The following SAXO4 variants were observed in gnomAD, a reference collection of about 807,000 sequenced individuals.
SAXO4 encodes the protein stabilizer of axonemal microtubules 4.
At chr11:61,487,475 C>G in the SAXO4 span, among the ~76,000 whole-genome samples, 19 of 152,238 alleles carry the variant, frequency 1.2e-4, no homozygotes, top group Non-Finnish European at 2.2e-4. Flanking sequence ...GAGCATGTTA[C>G]TAGGCCAGCT....
chr11:61,488,466 G>A, the SAXO4 span, among the ~76,000 whole-genome samples: 4 of 151,836 alleles, frequency 2.6e-5, no homozygotes, highest in African/African-American at 7.3e-5. Context: ...CACCACGCCC[G>A]GCTACATTTT....
chr11:61,483,171 T>C, the SAXO4 span, among the ~76,000 whole-genome samples: 97 of 142,236 alleles, frequency 6.8e-4, 2 homozygotes, highest in South Asian at 0.021. Flanking sequence ...TTTCTTTTTT[T>C]TTTTTTTTTT....
the SAXO4 span, chr11:61,487,235 C>T: frequency 6.2e-7 from 1 of 1,613,754 alleles, no homozygotes; most frequent in Admixed American, 1.7e-5. Flanking sequence ...CCACCTACAA[C>T]CAAGGGTGAG....
chr11:61,482,750 G>A, the SAXO4 span: 19 of 1,613,664 alleles, frequency 1.2e-5, 1 homozygote, highest in Middle Eastern at 1.6e-4. Flanking sequence ...TGGAGCATGC[G>A]CCAGACCAGC....
the SAXO4 span, chr11:61,489,956 C>G: frequency 1.9e-6 from 3 of 1,604,094 alleles, no homozygotes; most frequent in Admixed American, 5.1e-5. Context: ...GGTGGCACCA[C>G]CCCCAGCTCT....
the SAXO4 span, chr11:61,482,821 C>T: frequency 6.3e-7 from 1 of 1,590,534 alleles, no homozygotes; most frequent in Non-Finnish European, 8.5e-7. Flanking sequence ...CAGTGCTGGG[C>T]CAGGGCCAGG....
chr11:61,486,550 C>T, the SAXO4 span: 8 of 1,614,030 alleles, frequency 5.0e-6, no homozygotes, highest in East Asian at 1.8e-4. Context: ...CTGTGTTGGC[C>T]AGAGGCTCCA....
the SAXO4 span, chr11:61,484,844 G>A: frequency 1.6e-5 from 24 of 1,543,650 alleles, no homozygotes; most frequent in African/African-American, 4.1e-5. Context: ...TAAGGGCTTC[G>A]GGGTGGGGCA....
chr11:61,488,197 G>A, the SAXO4 span, among the ~76,000 whole-genome samples: 7 of 151,878 alleles, frequency 4.6e-5, no homozygotes, highest in African/African-American at 1.5e-4. Context: ...ATGTTGGCCC[G>A]GCTGGTCTTG....
At chr11:61,486,156 G>T in the SAXO4 span, among the ~76,000 whole-genome samples, 1 of 152,244 alleles carries the variant, frequency 6.6e-6, no homozygotes, top group South Asian at 2.1e-4. Flanking sequence ...CTGGCCTGCT[G>T]GTCCCATTCA....
At chr11:61,490,403 G>A in the SAXO4 span, 9 of 1,117,494 alleles carry the variant, frequency 8.1e-6, no homozygotes, top group Admixed American at 1.5e-4. Context: ...CTGAACCCTG[G>A]CTATGCTCTC....
At chr11:61,487,587 G>A in the SAXO4 span, among the ~76,000 whole-genome samples, 2 of 152,298 alleles carry the variant, frequency 1.3e-5, no homozygotes, top group East Asian at 1.9e-4. Context: ...CACATCCATC[G>A]GTCATTGGTT....
the SAXO4 span, among the ~76,000 whole-genome samples, chr11:61,488,360 A>G: frequency 1.4e-5 from 2 of 140,982 alleles, no homozygotes; most frequent in Non-Finnish European, 3.0e-5. Context: ...GCTGGAGTGC[A>G]GTGGTGCGAT....
At chr11:61,485,746 G>T in the SAXO4 span, 1 of 1,378,970 alleles carries the variant, frequency 7.3e-7, no homozygotes, top group Non-Finnish European at 1.0e-6. Context: ...GCCTCTGGAG[G>T]ACACATGGGT....
chr11:61,483,738 A>T, the SAXO4 span, among the ~76,000 whole-genome samples: 3 of 152,038 alleles, frequency 2.0e-5, no homozygotes, highest in Non-Finnish European at 4.4e-5. Flanking sequence ...CAGGCAGATC[A>T]CTTGAGGTCA....
At chr11:61,483,567 T>C in the SAXO4 span, among the ~76,000 whole-genome samples, 1 of 152,202 alleles carries the variant, frequency 6.6e-6, no homozygotes. Flanking sequence ...ATGTTCTGAA[T>C]ATCTCCTTCA....
chr11:61,486,323 C>G, the SAXO4 span: 1 of 1,612,690 alleles, frequency 6.2e-7, no homozygotes. Context: ...GGGCTGACAT[C>G]CTCTGTGGGC....
chr11:61,482,613 A>G, the SAXO4 span: 1 of 1,613,508 alleles, frequency 6.2e-7, no homozygotes, highest in Non-Finnish European at 8.5e-7. Flanking sequence ...AGCAGAGGAC[A>G]GAGGCAGGCG....
the SAXO4 span, among the ~76,000 whole-genome samples, chr11:61,484,512 G>A: frequency 1.3e-5 from 2 of 151,814 alleles, no homozygotes; most frequent in Non-Finnish European, 1.5e-5. Flanking sequence ...AATTCCCTGC[G>A]AGTGTGATGG....
Sources: allele counts gnomAD v4.1 joint callset (sites outside exome capture counted in the v4.1 genomes callset), GRCh38; gene constraint gnomAD v4.1.1; transcripts MANE v1.5; gene names NCBI Gene and HGNC (gene_info 2026-07-23, HGNC 2026-07-21).